The following IGSF21 variants were observed in gnomAD, a reference collection of about 807,000 sequenced individuals.
IGSF21 encodes immunoglobulin superfamily member 21.
In IGSF21, 28 loss-of-function variants were observed where a neutral mutation model predicts 46.8. The observed-to-expected ratio is 0.60, with a 90% CI of 0.44 to 0.82. The LOEUF (loss-of-function observed/expected upper bound fraction) is 0.82, where lower values mean the gene tolerates loss of function less well. Ranked by LOEUF, IGSF21 falls within the 40% of genes least tolerant of loss-of-function variation. IGSF21 has a pLI of 0.00. For synonymous variants in IGSF21, 284 were observed against 273.6 expected (o/e 1.04, Z -0.38); for missense variants, 624 against 665.5 (o/e 0.94, Z 0.69).
intron 1 of IGSF21, among the ~76,000 whole-genome samples, chr1:18,224,898 C>G (rs2084546030): frequency 6.6e-6 from 1 of 151,838 alleles, no homozygotes; most frequent in African/African-American, 2.4e-5. Flanking sequence ...AACCCCATCT[C>G]TACTAAAAAT....
chr1:18,199,717 C>A (rs977366225), intron 1 of IGSF21, among the ~76,000 whole-genome samples: 4 of 152,160 alleles, frequency 2.6e-5, no homozygotes, highest in African/African-American at 7.2e-5. Flanking sequence ...CTCACCTCGG[C>A]TGCAAAGCTC....
chr1:18,154,532 G>C (rs867609623), intron 1 of IGSF21, among the ~76,000 whole-genome samples: 1 of 151,888 alleles, frequency 6.6e-6, no homozygotes, highest in African/African-American at 2.4e-5. Flanking sequence ...AAGCTCACAT[G>C]TCCCCAGCTG....
chr1:18,298,209 C>A (rs567828100), intron 3 of IGSF21, among the ~76,000 whole-genome samples: 3 of 152,258 alleles, frequency 2.0e-5, no homozygotes, highest in Admixed American at 6.5e-5. Flanking sequence ...AAGGGTATGG[C>A]ATGCTCTGAT....
chr1:18,208,901 C>T (rs913792117), intron 1 of IGSF21, among the ~76,000 whole-genome samples: 4 of 152,074 alleles, frequency 2.6e-5, no homozygotes, highest in African/African-American at 9.7e-5. Context: ...ATGCTGAGAA[C>T]GTGTAGCCAG....
chr1:18,265,028 G>T (rs1461142807), intron 2 of IGSF21, among the ~76,000 whole-genome samples: 1 of 152,120 alleles, frequency 6.6e-6, no homozygotes, highest in African/African-American at 2.4e-5. Flanking sequence ...CCCCTTCCCT[G>T]CAAACCAGAA....
rs2085753112 is a variant in IGSF21 at position 18,335,073 on chromosome 1, G to A, written c.424+63G>A. ...GGAGGACGAGTATGCTTGAGTGTGT[G>A]AATGTGCGCACAGAGTGGCCATCCT... On this transcript the variant is annotated intron_variant, in intron 4 of 9. Transcript: ENST00000251296. The surrounding 1 kb of genome is among the most constrained non-coding windows in gnomAD (Gnocchi z 4.8). 13 of 1,314,600 alleles carry A rather than the reference G, an allele frequency of 9.9e-6. No individual in the cohort carries two copies. In the South Asian group the frequency reaches 1.3e-4, roughly 13 times the overall value. 81.4% of individuals were successfully genotyped at this position (1,314,600 alleles called of 1,614,324 possible).
chr1:18,374,891 G>A (rs921100226), intron 6 of IGSF21, among the ~76,000 whole-genome samples: 1 of 152,106 alleles, frequency 6.6e-6, no homozygotes, highest in Non-Finnish European at 1.5e-5. Flanking sequence ...GTAGCACAAA[G>A]CATAGAGTAC....
intron 3 of IGSF21, among the ~76,000 whole-genome samples, chr1:18,319,024 T>G (rs1229319525): frequency 6.6e-6 from 1 of 152,320 alleles, no homozygotes; most frequent in African/African-American, 2.4e-5. Context: ...TGAGAACTAC[T>G]TTTGGCTCCA....
chr1:18,164,020 A>C (rs1024743158), intron 1 of IGSF21, among the ~76,000 whole-genome samples: 1 of 152,244 alleles, frequency 6.6e-6, no homozygotes, highest in Non-Finnish European at 1.5e-5. Context: ...AAAGAAGTAG[A>C]GAATCCACCA....
At chr1:18,293,130 C>T (rs6694127) in intron 3 of IGSF21, among the ~76,000 whole-genome samples, 14,627 of 152,210 alleles carry the variant, frequency 0.096, 2,272 homozygotes, top group African/African-American at 0.32. Context: ...CTCTCCAGCA[C>T]GGGCTGTGGG....
chr1:18,376,132 A>G, intron 6 of IGSF21, 178 bp from the exon 7 acceptor site: 1 of 639,860 alleles, frequency 1.6e-6, no homozygotes, highest in Admixed American at 2.1e-5. Flanking sequence ...GCATGGGCTT[A>G]GGGAATATGT....
At chr1:18,347,029 CCAGA>C (rs1229490863) in intron 4 of IGSF21, among the ~76,000 whole-genome samples, 1 of 152,154 alleles carries the variant, frequency 6.6e-6, no homozygotes, top group African/African-American at 2.4e-5. Flanking sequence ...GAGAGAGGGG[CCAGA>C]CAGATGGGTT....
At chr1:18,192,689 G>A (rs1199215753) in intron 1 of IGSF21, among the ~76,000 whole-genome samples, 3 of 152,236 alleles carry the variant, frequency 2.0e-5, no homozygotes, top group East Asian at 1.9e-4. Flanking sequence ...CAGAAGGCCT[G>A]GGTTGGCATC....
intron 2 of IGSF21, among the ~76,000 whole-genome samples, chr1:18,233,315 C>T (rs534258970): frequency 1.3e-5 from 2 of 152,140 alleles, no homozygotes; most frequent in Non-Finnish European, 2.9e-5. Context: ...ATGATGCGAC[C>T]TCGCCAGGTG....
At chr1:18,220,734 T>C (rs772090795) in intron 1 of IGSF21, among the ~76,000 whole-genome samples, 4 of 152,148 alleles carry the variant, frequency 2.6e-5, no homozygotes, top group Non-Finnish European at 5.9e-5. Flanking sequence ...TTGTGAATCC[T>C]TGAAGGATGC....
At chr1:18,177,049 T>C (rs2086806343) in intron 1 of IGSF21, among the ~76,000 whole-genome samples, 1 of 152,200 alleles carries the variant, frequency 6.6e-6, no homozygotes, top group Non-Finnish European at 1.5e-5. Flanking sequence ...CAGGCTAAAG[T>C]TTGCCATCCT....
intron 1 of IGSF21, among the ~76,000 whole-genome samples, chr1:18,162,974 C>T (rs2086641330): frequency 6.6e-6 from 1 of 152,092 alleles, no homozygotes; most frequent in South Asian, 2.1e-4. Context: ...GATGGTGTCA[C>T]ATTGGGGGTG....
intron 2 of IGSF21, among the ~76,000 whole-genome samples, chr1:18,276,638 A>G (rs1016306615): frequency 1.3e-5 from 2 of 151,970 alleles, no homozygotes; most frequent in African/African-American, 4.8e-5. Flanking sequence ...CCTTCCTCTC[A>G]TTATCATCAC....
intron 3 of IGSF21, among the ~76,000 whole-genome samples, chr1:18,329,586 C>T (rs187480492): frequency 6.6e-6 from 1 of 152,140 alleles, no homozygotes; most frequent in Non-Finnish European, 1.5e-5. Context: ...GTATGTGCTC[C>T]CAGAGACAGA....
Sources: allele counts gnomAD v4.1 joint callset (sites outside exome capture counted in the v4.1 genomes callset), GRCh38; gene constraint gnomAD v4.1.1; non-coding constraint Gnocchi (gnomAD v3.1); transcripts MANE v1.5; gene names NCBI Gene and HGNC (gene_info 2026-07-23, HGNC 2026-07-21).